SELP: variants seen among roughly 807,000 people sequenced by gnomAD.
SELP encodes the protein P-selectin.
In SELP, 92 loss-of-function variants were observed where a neutral mutation model predicts 104.1. That is an observed-to-expected ratio of 0.88 (90% CI 0.75 to 1.05). SELP has a LOEUF of 1.05. SELP is among the 50% of genes least tolerant of loss of function. SELP has a pLI of 0.00. For missense variants in SELP, 1,022 were observed against 1,017.3 expected (o/e 1.00, Z -0.06); for synonymous variants, 397 against 364.5 (o/e 1.09, Z -1.01).
intron 12 of SELP, 137 bp from the exon 13 acceptor site, chr1:169,595,014 T>C (rs1422020755): frequency 6.0e-6 from 4 of 668,692 alleles, no homozygotes; most frequent in Non-Finnish European, 9.9e-6. Context: ...CCACTTCCAA[T>C]ATTCACAGTA....
At chr1:169,623,460 C>A (rs1406622236) in intron 1 of SELP, among the ~76,000 whole-genome samples, 1 of 152,108 alleles carries the variant, frequency 6.6e-6, no homozygotes, top group African/African-American at 2.4e-5. Flanking sequence ...AGATGTTTCC[C>A]ATTTTAACCT....
At chr1:169,627,212 T>C (rs181112622) in intron 1 of SELP, among the ~76,000 whole-genome samples, 1 of 152,318 alleles carries the variant, frequency 6.6e-6, no homozygotes, top group East Asian at 1.9e-4. Flanking sequence ...AGTTCCCTTA[T>C]GTTTCTGGAC....
chr1:169,594,678 C>CA lies in SELP; in HGVS notation c.2287+13dup, dbSNP rs766575380. 6.2e-7 allele frequency: 1 copy of CA among 1,610,082 alleles called. No homozygotes were observed. The highest frequency in any genetic ancestry group is 8.5e-7 in the Non-Finnish European group (1 of 1,177,386). On this transcript the variant is annotated intron_variant, in intron 13 of 16. Coordinates refer to ENST00000263686, the MANE Select transcript of SELP (RefSeq NM_003005.4). ...CACATCAAAGTGACTTCTTAACCCACATGAAAATTGTACCTTGGCAGGTTG... is the reference window on the plus strand; with the variant it reads ...CACATCAAAGTGACTTCTTAACCCACAATGAAAATTGTACCTTGGCAGGTTG...
intron 8 of SELP, 84 bp downstream of exon 8, chr1:169,609,420 G>A (rs1662376262): frequency 7.5e-7 from 1 of 1,331,080 alleles, no homozygotes; most frequent in African/African-American, 1.5e-5. Context: ...ATCTGATAAA[G>A]AAAGGCATGC....
At chr1:169,594,271 A>T (rs1274986919) in intron 13 of SELP, among the ~76,000 whole-genome samples, 3 of 152,190 alleles carry the variant, frequency 2.0e-5, no homozygotes, top group Non-Finnish European at 4.4e-5. Context: ...TAGGGGGCTG[A>T]AATATACCTT....
intron 9 of SELP, among the ~76,000 whole-genome samples, chr1:169,604,416 A>C (rs1213689907): frequency 6.6e-6 from 1 of 152,034 alleles, no homozygotes; most frequent in East Asian, 1.9e-4. Flanking sequence ...GTTCACTCTG[A>C]TGGTAGTTTC....
chr1:169,589,929 T>C (rs2101854949), intron 16 of SELP, among the ~76,000 whole-genome samples: 1 of 152,376 alleles, frequency 6.6e-6, no homozygotes, highest in South Asian at 2.1e-4. Flanking sequence ...TGTTAGGACA[T>C]TTCTGTCCTG....
intron 9 of SELP, among the ~76,000 whole-genome samples, chr1:169,605,491 G>GTGT (rs796381004): frequency 5.1e-4 from 77 of 150,290 alleles, no homozygotes; most frequent in Non-Finnish European, 9.9e-4. Flanking sequence ...GTGTGTGGGG[G>GTGT]GTGTGTGTGT....
At chr1:169,628,247 C>T (rs1399487566) in intron 1 of SELP, among the ~76,000 whole-genome samples, 1 of 152,180 alleles carries the variant, frequency 6.6e-6, no homozygotes, top group Non-Finnish European at 1.5e-5. Flanking sequence ...TATAAGTTCC[C>T]AATCAAGAGC....
In SELP at chr1:169,597,154, A is replaced by G. The variant is rs199703064; in HGVS notation, c.1728T>C (p.Phe576=). The change falls in exon 11 of 17, where the codon TTT becomes TTC. Residue 576 remains phenylalanine, a synonymous_variant. Transcript: ENST00000263686. ...AATCCAGGCTGCCCTGCTCTGGGGC[A>G]AAGAGTTCTGGGCACTTGATGGCTA... ...MCEAIKCPEL[F]APEQGSLDCS... is the part of the protein sequence containing the mutation. 1.3e-5 allele frequency: 21 copies of G among 1,603,762 alleles called. No individual in the cohort carries two copies. Among genetic ancestry groups the G allele is most frequent in the Middle Eastern group, 1.7e-4 (1 of 6,020 alleles).
At position 169,594,987 on chromosome 1, in the gene SELP, G is replaced by A. The variant is rs528713470; in HGVS notation, c.2102-110C>T. 8.0e-5 allele frequency: 76 copies of A among 955,882 alleles called. 1 individual carries two copies. The South Asian group carries it at 1.3e-3, about 16-fold the overall frequency. The allele number at this position is 955,882 out of a possible 1,614,324, so 59.2% of individuals were successfully genotyped here. On this transcript the variant is annotated intron_variant, in intron 12 of 16. Transcript: ENST00000263686. ...CAATAAATGAGGCAGAATGTAAAAGGTCAGAAAGGATATGAGCCACTTCCA... is the reference window on the plus strand; with the variant it reads ...CAATAAATGAGGCAGAATGTAAAAGATCAGAAAGGATATGAGCCACTTCCA...
At chr1:169,611,370 G>T (rs1662521704) in intron 7 of SELP, 122 bp downstream of exon 7, 1 of 945,590 alleles carries the variant, frequency 1.1e-6, no homozygotes, top group Admixed American at 2.7e-5. Flanking sequence ...CCTGGAGGTT[G>T]AAGAGCTTGC....
rs200183021 is a variant in SELP at position 169,612,947 on chromosome 1, T to C, written c.757A>G (p.Lys253Glu). The change falls in exon 5 of 17, where the codon AAG becomes GAG. Residue 253 changes from lysine to glutamate, a missense_variant. Transcript: ENST00000263686. ...TACATACCTAAACACTGTGGAGGCT[T>C]ATTTGTCCAGATTCCAGAAGCCAAG... ...ECLASGIWTN[K>E]PPQCLAAQCP... is the part of the protein sequence containing the mutation. 1 of 1,612,230 alleles carries C rather than the reference T, an allele frequency of 6.2e-7. No homozygotes were observed. The highest frequency in any genetic ancestry group is 1.3e-5 in the African/African-American group (1 of 74,972).
intron 11 of SELP, among the ~76,000 whole-genome samples, 163 bp downstream of exon 11, chr1:169,596,828 C>T (rs1661639527): frequency 6.6e-6 from 1 of 152,204 alleles, no homozygotes; most frequent in South Asian, 2.1e-4. Context: ...ATAAAAATAT[C>T]CTGTCACTCC....
At chr1:169,607,320 C>A (rs781371500) in intron 8 of SELP, among the ~76,000 whole-genome samples, 186 bp from the exon 9 acceptor site, 9 of 152,088 alleles carry the variant, frequency 5.9e-5, no homozygotes, top group Non-Finnish European at 1.0e-4. Context: ...AAATGCTAAA[C>A]CTTTGTTGAG....
At chr1:169,609,440 G>T in intron 8 of SELP, 64 bp downstream of exon 8, 1 of 1,475,102 alleles carries the variant, frequency 6.8e-7, no homozygotes, top group South Asian at 1.3e-5. Context: ...CCAATGCTCA[G>T]TGCAGATGCT....
intron 6 of SELP, 149 bp from the exon 7 acceptor site, chr1:169,611,826 A>G (rs1241227648): frequency 1.3e-6 from 1 of 764,754 alleles, no homozygotes; most frequent in Non-Finnish European, 2.1e-6. Context: ...CCAGACTTGG[A>G]TTACCAGTTC....
intron 14 of SELP, among the ~76,000 whole-genome samples, chr1:169,593,097 C>G (rs1056852002): frequency 6.6e-6 from 1 of 152,162 alleles, no homozygotes; most frequent in African/African-American, 2.4e-5. Flanking sequence ...ACTTACTACA[C>G]TTCACTACCG....
At position 169,589,189 on chromosome 1, in the gene SELP, CA is replaced by C. The variant is rs1557939913; in HGVS notation, c.*273del. ...TCCACAGTCTGGTCTTCTTGTGAGT[CA>C]GATGCTCCAGTCTCTTTGGTTCACT... On this transcript the variant is annotated 3_prime_UTR_variant, in exon 17 of 17. Coordinates refer to ENST00000263686, the MANE Select transcript of SELP (RefSeq NM_003005.4). 2 of 152,194 alleles carry C rather than the reference CA, an allele frequency of 1.3e-5. No individual in the cohort carries two copies. The highest frequency in any genetic ancestry group is 2.9e-5 in the Non-Finnish European group (2 of 68,032). The allele number at this position is 152,194 out of a possible 1,614,324, so 9.4% of individuals were successfully genotyped here.
Sources: allele counts gnomAD v4.1 joint callset (sites outside exome capture counted in the v4.1 genomes callset), GRCh38; gene constraint gnomAD v4.1.1; transcripts MANE v1.5; gene names NCBI Gene and HGNC (gene_info 2026-07-23, HGNC 2026-07-21).